The following FSTL5 variants were observed in gnomAD, a reference collection of about 807,000 sequenced individuals.
FSTL5 encodes follistatin like 5.
A neutral mutation model predicts 89.1 loss-of-function variants in FSTL5; 62 were observed. The ratio of observed to expected loss-of-function variants is 0.70; its 90% CI spans 0.57 to 0.86. The LOEUF is 0.86. FSTL5 is among the 40% of genes least tolerant of loss of function. The pLI is 0.00. For missense variants in FSTL5, 1,057 were observed against 1,001.6 expected, an observed-to-expected ratio of 1.06 and a Z score of -0.75; for synonymous variants, 383 against 346.2, an observed-to-expected ratio of 1.11 and a Z score of -1.18.
At chr4:161,714,585 A>G (rs1226859282) in intron 6 of FSTL5, among the ~76,000 whole-genome samples, 1 of 152,148 alleles carries the variant, frequency 6.6e-6, no homozygotes, top group East Asian at 1.9e-4. Context: ...TGCTAACTGG[A>G]TCCTTGCTTC....
At chr4:161,834,039 T>A (rs7438853) in intron 4 of FSTL5, among the ~76,000 whole-genome samples, 7,152 of 152,250 alleles carry the variant, frequency 0.047, 214 homozygotes, top group Non-Finnish European at 0.07. Flanking sequence ...TGAACATTGA[T>A]GCAAAAATCC....
At chr4:161,673,230 C>T (rs1037060348) in intron 6 of FSTL5, among the ~76,000 whole-genome samples, 1 of 151,976 alleles carries the variant, frequency 6.6e-6, no homozygotes, top group African/African-American at 2.4e-5. Context: ...TTCAGATTTT[C>T]TATGGGACAT....
intron 4 of FSTL5, among the ~76,000 whole-genome samples, chr4:161,824,811 C>A (rs570263176): frequency 6.6e-6 from 1 of 152,070 alleles, no homozygotes; most frequent in Non-Finnish European, 1.5e-5. Context: ...TCAGTGAATT[C>A]ATTTATCAGT....
chr4:161,973,614 GT>G lies in FSTL5; in HGVS notation c.161-52963del, dbSNP rs566076187. On this transcript the variant is annotated intron_variant, in intron 3 of 15. Coordinates refer to ENST00000306100, the MANE Select transcript of FSTL5 (RefSeq NM_020116.5). ...AACAGTTTTATGCCTGTTACAGAGTGTTTTTTAAAATGTTCAAAATGTAATT... is the reference window on the plus strand; with the variant it reads ...AACAGTTTTATGCCTGTTACAGAGTGTTTTTAAAATGTTCAAAATGTAATT... Among the ~76,000 whole-genome samples, 345 of 152,222 alleles carry G rather than the reference GT, an allele frequency of 2.3e-3. 2 individuals are homozygous for G. The highest frequency in any genetic ancestry group is 8.1e-3 in the African/African-American group (336 of 41,540).
chr4:161,696,113 T>C (rs1057316548), intron 6 of FSTL5, among the ~76,000 whole-genome samples: 13 of 152,244 alleles, frequency 8.5e-5, no homozygotes, highest in African/African-American at 2.9e-4. Context: ...AAGTCATTAA[T>C]TCATCTTGAG....
At chr4:161,639,376 C>T (rs1408589484) in intron 7 of FSTL5, among the ~76,000 whole-genome samples, 3 of 152,100 alleles carry the variant, frequency 2.0e-5, no homozygotes, top group Non-Finnish European at 4.4e-5. Context: ...CTGTTCTGTG[C>T]TATGGAACCG....
At chr4:162,122,402 C>T (rs946498459) in intron 1 of FSTL5, among the ~76,000 whole-genome samples, 6 of 152,008 alleles carry the variant, frequency 3.9e-5, no homozygotes, top group Non-Finnish European at 8.8e-5. Flanking sequence ...TTGATCTTTC[C>T]TCCCTTTAGT....
intron 3 of FSTL5, among the ~76,000 whole-genome samples, chr4:161,975,115 G>T (rs1254956379): frequency 1.4e-5 from 2 of 138,944 alleles, no homozygotes; most frequent in African/African-American, 5.8e-5. Flanking sequence ...AGGGGCTGGA[G>T]AGGATGTGGA....
intron 3 of FSTL5, among the ~76,000 whole-genome samples, chr4:161,975,793 AT>A (rs1352269639): frequency 2.0e-5 from 3 of 149,566 alleles, no homozygotes; most frequent in Middle Eastern, 3.4e-3. Flanking sequence ...ATAAAATAAA[AT>A]AAAATAAAAA....
chr4:161,958,343 G>A (rs359515), intron 3 of FSTL5, among the ~76,000 whole-genome samples: 11,160 of 151,898 alleles, frequency 0.073, 1,145 homozygotes, highest in African/African-American at 0.23. Flanking sequence ...ATTTCTTTGC[G>A]TTGTGTGGTA....
intron 8 of FSTL5, among the ~76,000 whole-genome samples, chr4:161,568,765 T>C (rs997008040): frequency 6.6e-6 from 1 of 152,166 alleles, no homozygotes; most frequent in Non-Finnish European, 1.5e-5. Flanking sequence ...CTGTAAGCAG[T>C]TTTTTTGTTG....
At chr4:162,018,774 G>C (rs1736989995) in intron 3 of FSTL5, among the ~76,000 whole-genome samples, 1 of 152,014 alleles carries the variant, frequency 6.6e-6, no homozygotes. Flanking sequence ...GGACTACACA[G>C]TTAATAGTTC....
At chr4:161,879,304 C>T (rs1327385006) in intron 4 of FSTL5, among the ~76,000 whole-genome samples, 1 of 152,154 alleles carries the variant, frequency 6.6e-6, no homozygotes, top group African/African-American at 2.4e-5. Flanking sequence ...AGTGTCTACA[C>T]CAACCCCTGT....
At chr4:162,127,576 G>A (rs370405741) in intron 1 of FSTL5, among the ~76,000 whole-genome samples, 2 of 152,158 alleles carry the variant, frequency 1.3e-5, no homozygotes, top group East Asian at 3.9e-4. Flanking sequence ...TTTCTTTGAA[G>A]TTACTTAGAT....
intron 1 of FSTL5, among the ~76,000 whole-genome samples, chr4:162,141,831 G>C (rs772328237): frequency 4.1e-4 from 62 of 152,090 alleles, no homozygotes; most frequent in Middle Eastern, 3.2e-3. Context: ...AGCAAGTATT[G>C]AAAGTCATGA....
intron 3 of FSTL5, among the ~76,000 whole-genome samples, chr4:161,966,906 T>C (rs1735342652): frequency 6.6e-6 from 1 of 152,014 alleles, no homozygotes; most frequent in Admixed American, 6.6e-5. Flanking sequence ...CAAATCATGC[T>C]TTAGTTAACT....
intron 8 of FSTL5, among the ~76,000 whole-genome samples, chr4:161,587,240 T>C (rs1480290061): frequency 6.6e-6 from 1 of 152,002 alleles, no homozygotes; most frequent in Non-Finnish European, 1.5e-5. Context: ...GTTACTCTAA[T>C]ATTTTATAAC....
intron 7 of FSTL5, among the ~76,000 whole-genome samples, chr4:161,623,112 A>C (rs1370118102): frequency 6.6e-6 from 1 of 152,122 alleles, no homozygotes; most frequent in Non-Finnish European, 1.5e-5. Flanking sequence ...CTCGGAATAA[A>C]ATAAACATCT....
rs562973860 is a variant in FSTL5, at chr4:161,610,378, C to G, written c.895-22803G>C. 2.6e-5 allele frequency among the ~76,000 whole-genome samples: 4 copies of G among 152,238 alleles called. No individual in the cohort carries two copies. In the South Asian group the frequency reaches 8.3e-4, roughly 32 times the overall value. ...AGATGACTTAGTCAAAAATGGCACA[C>G]CATGTATAGCAATGAAAATCAATTA... On this transcript the variant is annotated intron_variant, in intron 7 of 15. Coordinates refer to ENST00000306100, the MANE Select transcript of FSTL5 (RefSeq NM_020116.5).
Sources: gnomAD v4.1 joint callset for allele counts (sites outside exome capture counted in the v4.1 genomes callset) on GRCh38, gnomAD v4.1.1 for gene constraint, MANE v1.5 for transcripts, NCBI Gene and HGNC (gene_info 2026-07-23, HGNC 2026-07-21) for gene names.